MKLN1: variants seen among roughly 807,000 people sequenced by gnomAD.
MKLN1 encodes the protein muskelin 1, also known as muskelin.
Under a neutral mutation model 99.0 loss-of-function variants are expected in MKLN1, and 18 were observed. That is an observed-to-expected ratio of 0.18 (90% CI 0.13 to 0.27). The LOEUF (loss-of-function observed/expected upper bound fraction) is 0.27, where lower values mean the gene tolerates loss of function less well. Ranked by LOEUF, MKLN1 falls within the 10% of genes least tolerant of loss-of-function variation. The pLI, the probability that MKLN1 is intolerant of heterozygous loss-of-function variation, is 1.00. For synonymous variants in MKLN1, 288 were observed against 293.2 expected (o/e 0.98, Z 0.18); for missense variants, 621 against 875.9 (o/e 0.71, Z 3.67).
intron 3 of MKLN1, among the ~76,000 whole-genome samples, chr7:131,246,581 G>A (rs1797492967): frequency 6.6e-6 from 1 of 150,924 alleles, no homozygotes; most frequent in South Asian, 2.1e-4. Context: ...TTATTGAACT[G>A]TAACAGCTCT....
intron 4 of MKLN1, among the ~76,000 whole-genome samples, chr7:131,390,559 T>C (rs1794170077): frequency 6.6e-6 from 1 of 152,130 alleles, no homozygotes; most frequent in Admixed American, 6.6e-5. Flanking sequence ...AAGGTATAAT[T>C]GACAAATAAT....
At chr7:131,259,028 C>T (rs949766165) in intron 3 of MKLN1, among the ~76,000 whole-genome samples, 7 of 152,090 alleles carry the variant, frequency 4.6e-5, no homozygotes, top group Admixed American at 1.3e-4. Flanking sequence ...TAGCTGGATG[C>T]AATGATTCGC....
intron 16 of MKLN1, among the ~76,000 whole-genome samples, chr7:131,477,710 G>A (rs1797006407): frequency 6.6e-6 from 1 of 152,024 alleles, no homozygotes; most frequent in South Asian, 2.1e-4. Context: ...CATTAATCAG[G>A]GCTTACAAAT....
intron 4 of MKLN1, among the ~76,000 whole-genome samples, chr7:131,393,717 C>G (rs1415941247): frequency 6.6e-6 from 1 of 152,084 alleles, no homozygotes; most frequent in African/African-American, 2.4e-5. Context: ...ACACTGAACT[C>G]CTGGGCTCAA....
chr7:131,140,516 A>G (rs1795715252), intron 1 of MKLN1, among the ~76,000 whole-genome samples: 1 of 152,060 alleles, frequency 6.6e-6, no homozygotes, highest in Non-Finnish European at 1.5e-5. Context: ...ATTAGTTCAC[A>G]TGAACACTGA....
intron 3 of MKLN1, among the ~76,000 whole-genome samples, chr7:131,258,550 C>A (rs187127887): frequency 6.6e-6 from 1 of 152,234 alleles, no homozygotes; most frequent in East Asian, 1.9e-4. Context: ...AAGATTTTAA[C>A]CCAGGAAAGA....
intron 3 of MKLN1, among the ~76,000 whole-genome samples, chr7:131,317,758 TG>T (rs1455774902): frequency 1.4e-4 from 7 of 49,244 alleles, no homozygotes; most frequent in African/African-American, 6.7e-4. Context: ...GACGAGCAAA[TG>T]GAAAGCAAAA....
At chr7:131,347,801 G>T (rs1799608999) in intron 1 of MKLN1, among the ~76,000 whole-genome samples, 2 of 152,012 alleles carry the variant, frequency 1.3e-5, no homozygotes, top group South Asian at 4.2e-4. Context: ...TGTTTCAAGT[G>T]GATTAATATT....
rs1359531503 is a variant in MKLN1 at position 131,398,420 on chromosome 7, G to A, written c.511-821G>A. 2.6e-5 allele frequency among the ~76,000 whole-genome samples: 4 copies of A among 152,082 alleles called. 1 individual carries two copies. Among genetic ancestry groups the A allele is most frequent in the South Asian group, 4.1e-4 (2 of 4,830 alleles). ...AGAAAACAATTAAATTGGGCCGGGC[G>A]CAGTGGCTCACACCTGTAATCCCAG... On this transcript the variant is annotated intron_variant, in intron 5 of 17. Coordinates refer to ENST00000352689, the MANE Select transcript of MKLN1 (RefSeq NM_013255.5).
intron 2 of MKLN1, among the ~76,000 whole-genome samples, chr7:131,175,956 C>A (rs1796293025): frequency 1.3e-5 from 2 of 152,056 alleles, no homozygotes; most frequent in Admixed American, 1.3e-4. Context: ...TCTCCAAAAG[C>A]AAACGAACAA....
chr7:131,487,579 G>T lies in MKLN1; in HGVS notation c.2087-28G>T. On this transcript the variant is annotated intron_variant, in intron 17 of 17. Coordinates refer to ENST00000352689, the MANE Select transcript of MKLN1 (RefSeq NM_013255.5). The surrounding 1 kb of genome is among the most constrained non-coding windows in gnomAD (Gnocchi z 4.7). ...TTCTGTTACATGTTTTAAACACAAT[G>T]GATGTTTCTTTGTATCTTCTTCACC... 1 of 1,606,246 alleles carries T rather than the reference G, an allele frequency of 6.2e-7. No homozygotes were observed. The highest frequency in any genetic ancestry group is 1.1e-5 in the South Asian group (1 of 90,110).
chr7:131,234,169 G>A (rs567155545), intron 3 of MKLN1, among the ~76,000 whole-genome samples: 18 of 151,434 alleles, frequency 1.2e-4, no homozygotes, highest in African/African-American at 3.9e-4. Flanking sequence ...TAGTAGAGAC[G>A]GGGTTTCACC....
intron 17 of MKLN1, among the ~76,000 whole-genome samples, chr7:131,479,897 G>A (rs913341860): frequency 2.6e-5 from 4 of 151,076 alleles, no homozygotes; most frequent in South Asian, 2.1e-4. Flanking sequence ...GGTGGCTCAC[G>A]CCTGTAATCC....
chr7:131,418,610 G>A (rs987828636), intron 8 of MKLN1, among the ~76,000 whole-genome samples: 2 of 152,210 alleles, frequency 1.3e-5, no homozygotes, highest in African/African-American at 2.4e-5. Flanking sequence ...GCCACAGGTT[G>A]GACAAGCTTG....
At chr7:131,283,732 G>A (rs1025593943) in intron 3 of MKLN1, among the ~76,000 whole-genome samples, 2 of 151,620 alleles carry the variant, frequency 1.3e-5, no homozygotes, top group Non-Finnish European at 2.9e-5. Flanking sequence ...CATTGTGCCC[G>A]GCCGAGAAGG....
intron 3 of MKLN1, among the ~76,000 whole-genome samples, chr7:131,231,464 C>T (rs752344065): frequency 9.2e-5 from 14 of 152,140 alleles, no homozygotes; most frequent in Non-Finnish European, 1.9e-4. Context: ...TTGGAAGCAG[C>T]AGCATTTATT....
At chr7:131,447,548 A>G (rs979997954) in intron 12 of MKLN1, among the ~76,000 whole-genome samples, 1 of 152,192 alleles carries the variant, frequency 6.6e-6, no homozygotes, top group African/African-American at 2.4e-5. Context: ...AAATAAAAAT[A>G]AAATAGCAGG....
intron 1 of MKLN1, among the ~76,000 whole-genome samples, chr7:131,336,696 T>C (rs1799259407): frequency 6.6e-6 from 1 of 152,134 alleles, no homozygotes. Context: ...ATCTCAGACA[T>C]TGTTAGGACC....
rs1797378041 is a variant in MKLN1, at chr7:131,489,795, T to C, written c.*2067T>C. The C allele has an allele frequency of 1.3e-5, 2 of 152,208 alleles. No homozygotes were observed. Among genetic ancestry groups the C allele is most frequent in the African/African-American group, 4.8e-5 (2 of 41,464 alleles). 9.4% of individuals were successfully genotyped at this position (152,208 alleles called of 1,614,324 possible). A position where few individuals can be genotyped will look rare whatever the true frequency, so the allele number is the denominator to read the frequency against. On this transcript the variant is annotated 3_prime_UTR_variant, in exon 18 of 18. Coordinates refer to ENST00000352689, the MANE Select transcript of MKLN1 (RefSeq NM_013255.5). ...AATTTTATTTTTGTTTTTCCCTAAA[T>C]GTTTCCCTACTAGTCTTTTTGGAAA...
Sources: gnomAD v4.1 joint callset for allele counts (sites outside exome capture counted in the v4.1 genomes callset) on GRCh38, gnomAD v4.1.1 for gene constraint, Gnocchi (gnomAD v3.1) non-coding constraint, MANE v1.5 for transcripts, NCBI Gene and HGNC (gene_info 2026-07-23, HGNC 2026-07-21) for gene names.